Variants in MYO5B observed in about 807,000 individuals in gnomAD.
MYO5B encodes unconventional myosin-Vb.
In MYO5B, 143 loss-of-function variants were observed where a neutral mutation model predicts 229.3. The observed-to-expected ratio is 0.62, with a 90% CI of 0.54 to 0.72. MYO5B has a LOEUF of 0.72. MYO5B is among the 30% of genes least tolerant of loss of function. The probability of loss-of-function intolerance (pLI) is 0.00; values close to 1 mark genes in which losing one functional copy is unlikely to be tolerated. For synonymous variants in MYO5B, 918 were observed against 885.2 expected, an observed-to-expected ratio of 1.04 and a Z score of -0.66; for missense variants, 2,321 against 2,331.0, an observed-to-expected ratio of 1.00 and a Z score of 0.09.
intron 9 of MYO5B, among the ~76,000 whole-genome samples, chr18:49,978,411 G>A (rs911770311): frequency 1.3e-5 from 2 of 152,042 alleles, no homozygotes; most frequent in Non-Finnish European, 1.5e-5. Context: ...TAATTTTGCT[G>A]GTCTCGCCCC....
intron 27 of MYO5B, among the ~76,000 whole-genome samples, chr18:49,870,834 C>G (rs1430487696): frequency 1.3e-5 from 2 of 152,156 alleles, no homozygotes; most frequent in African/African-American, 4.8e-5. Context: ...AATCCTTGTG[C>G]ACTGCTGGTG....
At chr18:50,194,349 C>T (rs1335127485) in intron 1 of MYO5B, among the ~76,000 whole-genome samples, 1 of 152,154 alleles carries the variant, frequency 6.6e-6, no homozygotes, top group Non-Finnish European at 1.5e-5. Flanking sequence ...GGGGTGGGGT[C>T]CACGGCGGGG....
chr18:50,135,770 T>C (rs1434579254), intron 1 of MYO5B, among the ~76,000 whole-genome samples: 1 of 152,204 alleles, frequency 6.6e-6, no homozygotes, highest in Non-Finnish European at 1.5e-5. Flanking sequence ...TGTTAGAAAC[T>C]GCTAGGAGGT....
intron 4 of MYO5B, among the ~76,000 whole-genome samples, chr18:50,018,762 C>T (rs2026243407): frequency 6.6e-6 from 1 of 152,138 alleles, no homozygotes; most frequent in Non-Finnish European, 1.5e-5. Flanking sequence ...AAGGGGGATG[C>T]TAGCATCACA....
In MYO5B at chr18:49,838,939, C is replaced by G. The variant is rs191775129; in HGVS notation, c.4852+205G>C. Reference sequence around the variant, plus strand: ...GAAAAAGAGATAAAGGGAAAGTCATCTATGCCTCTTGCACTGTGTCAAATA... The same window carrying G: ...GAAAAAGAGATAAAGGGAAAGTCATGTATGCCTCTTGCACTGTGTCAAATA... On this transcript the variant is annotated intron_variant, in intron 36 of 39. Coordinates refer to ENST00000285039, the MANE Select transcript of MYO5B (RefSeq NM_001080467.3). Among the ~76,000 whole-genome samples the G allele has an allele frequency of 8.5e-5, 13 of 152,360 alleles. No homozygotes were observed. The East Asian group carries it at 2.5e-3, about 29-fold the overall frequency.
chr18:50,105,152 C>CCGGGACCAGTCACTAGCAGT (rs1430534941), intron 1 of MYO5B, among the ~76,000 whole-genome samples: 1 of 150,802 alleles, frequency 6.6e-6, no homozygotes, highest in Non-Finnish European at 1.5e-5. Context: ...AGAAAAAAGA[C>CCGGGACCAGTCACTAGCAGT]CGGGACCAGT....
At chr18:49,907,147 C>T (rs1309632904) in intron 18 of MYO5B, among the ~76,000 whole-genome samples, 1 of 152,066 alleles carries the variant, frequency 6.6e-6, no homozygotes, top group Non-Finnish European at 1.5e-5. Context: ...TCAGGAGAGC[C>T]AGGATGGCTA....
intron 9 of MYO5B, among the ~76,000 whole-genome samples, chr18:49,978,918 G>A (rs2025784179): frequency 6.6e-6 from 1 of 152,116 alleles, no homozygotes; most frequent in Non-Finnish European, 1.5e-5. Flanking sequence ...CACTGCAGGT[G>A]TTCCTCATCT....
chr18:49,946,947 T>C (rs12962673), intron 14 of MYO5B, among the ~76,000 whole-genome samples: 53,853 of 150,558 alleles, frequency 0.36, 10,653 homozygotes, highest in Middle Eastern at 0.58. Context: ...CGCTGGGCTG[T>C]AGACATCCGC....
intron 22 of MYO5B, among the ~76,000 whole-genome samples, chr18:49,891,736 G>C (rs551538499): frequency 5.3e-5 from 8 of 152,312 alleles, no homozygotes; most frequent in Admixed American, 2.6e-4. Context: ...TCTGCTATGA[G>C]AGCCCCCATT....
intron 1 of MYO5B, among the ~76,000 whole-genome samples, chr18:50,062,363 C>T (rs930578450): frequency 1.3e-5 from 2 of 152,138 alleles, no homozygotes; most frequent in Non-Finnish European, 2.9e-5. Context: ...GTATAAACTC[C>T]CTGTCCATTC....
chr18:50,178,342 A>G (rs2033025529), intron 1 of MYO5B, among the ~76,000 whole-genome samples: 1 of 152,268 alleles, frequency 6.6e-6, no homozygotes, highest in African/African-American at 2.4e-5. Context: ...AAAAATATCA[A>G]CTTCCCTGTC....
intron 1 of MYO5B, among the ~76,000 whole-genome samples, chr18:50,104,381 T>G (rs1446157827): frequency 1.3e-5 from 2 of 151,478 alleles, no homozygotes; most frequent in African/African-American, 4.8e-5. Context: ...AAAAAAATGT[T>G]TTTACTTAGT....
chr18:49,943,983 T>G (rs1427926976), intron 14 of MYO5B, among the ~76,000 whole-genome samples: 1 of 152,046 alleles, frequency 6.6e-6, no homozygotes, highest in African/African-American at 2.4e-5. Context: ...CTCTGTGCAT[T>G]CGGGGGGCTA....
intron 22 of MYO5B, among the ~76,000 whole-genome samples, chr18:49,894,395 G>A (rs924469693): frequency 2.0e-5 from 3 of 152,144 alleles, no homozygotes; most frequent in Non-Finnish European, 2.9e-5. Context: ...GTGGAGCAGG[G>A]AATCTCTATG....
chr18:49,934,689 CA>C (rs1316366873), intron 16 of MYO5B, among the ~76,000 whole-genome samples: 3 of 152,154 alleles, frequency 2.0e-5, no homozygotes, highest in African/African-American at 4.8e-5. Context: ...AGAAGCCACC[CA>C]GGGGGAATTC....
rs980274537 is a variant in MYO5B, at chr18:49,903,539, A to C, written c.2572-706T>G. 3.3e-5 allele frequency among the ~76,000 whole-genome samples: 5 copies of C among 152,076 alleles called. No individual in the cohort carries two copies. In the East Asian group the frequency reaches 9.6e-4, roughly 29 times the overall value. On this transcript the variant is annotated intron_variant, in intron 20 of 39. Coordinates refer to ENST00000285039, the MANE Select transcript of MYO5B (RefSeq NM_001080467.3). ...AGCACACCAACGCCACCCATCACCC[A>C]AGAACACTCACAGAACCTTCTCCCA...
At chr18:49,968,847 A>G (rs2025656487) in intron 10 of MYO5B, among the ~76,000 whole-genome samples, 1 of 152,196 alleles carries the variant, frequency 6.6e-6, no homozygotes, top group African/African-American at 2.4e-5. Context: ...GGCCTGCGTT[A>G]GTGAGACCTG....
chr18:49,842,080 G>A (rs1406991959), intron 34 of MYO5B, among the ~76,000 whole-genome samples: 3 of 150,364 alleles, frequency 2.0e-5, no homozygotes, highest in Admixed American at 6.6e-5. Context: ...AGAGTGGTAT[G>A]AGGTACGACC....
Sources: gnomAD v4.1 joint callset for allele counts (sites outside exome capture counted in the v4.1 genomes callset) on GRCh38, gnomAD v4.1.1 for gene constraint, MANE v1.5 for transcripts, NCBI Gene and HGNC (gene_info 2026-07-23, HGNC 2026-07-21) for gene names.